Variants in NOTCH2 observed in about 807,000 individuals in gnomAD.
NOTCH2 encodes the protein neurogenic locus notch homolog protein 2.
NOTCH2 carries 29 observed loss-of-function variants against 235.8 expected under a neutral mutation model. The ratio of observed to expected loss-of-function variants is 0.12; its 90% CI spans 0.09 to 0.17. The LOEUF (loss-of-function observed/expected upper bound fraction) is 0.17. NOTCH2 is among the 10% of genes least tolerant of loss of function. NOTCH2 has a pLI of 1.00. For missense variants in NOTCH2, 2,285 were observed against 3,150.2 expected (o/e 0.73, Z 6.57); for synonymous variants, 1,086 against 1,141.5 (o/e 0.95, Z 0.98).
intron 29 of NOTCH2, among the ~76,000 whole-genome samples, chr1:119,920,959 T>C (rs978164975): frequency 6.6e-6 from 1 of 152,180 alleles, no homozygotes; most frequent in South Asian, 2.1e-4. Context: ...GAATACCTAG[T>C]ACATGACAGG....
At chr1:119,978,617 G>T (rs1651689276) in intron 5 of NOTCH2, among the ~76,000 whole-genome samples, 1 of 152,246 alleles carries the variant, frequency 6.6e-6, no homozygotes. Flanking sequence ...TGGGTGGATT[G>T]CCATGGAGGC....
intron 24 of NOTCH2, 90 bp from the exon 25 acceptor site, chr1:119,925,900 A>C: frequency 2.8e-4 from 401 of 1,415,924 alleles, no homozygotes; most frequent in Non-Finnish European, 3.6e-4. Context: ...TCCACATCTC[A>C]CTCCCTTCTG....
intron 1 of NOTCH2, among the ~76,000 whole-genome samples, chr1:120,060,429 T>C (rs1198131075): frequency 6.7e-6 from 1 of 148,452 alleles, no homozygotes. Context: ...TATATATATA[T>C]GTAGATCTGT....
At chr1:119,999,981 AAGGAAGG>A (rs1557840321) in intron 3 of NOTCH2, among the ~76,000 whole-genome samples, 1,202 of 90,748 alleles carry the variant, frequency 0.013, 8 homozygotes, top group African/African-American at 0.062. Context: ...GAAAGAAAGG[AAGGAAGG>A]AAGGAAGGAA....
intron 1 of NOTCH2, 177 bp downstream of exon 1, chr1:120,069,157 G>C (rs1210334237): frequency 6.5e-7 from 1 of 1,527,388 alleles, no homozygotes; most frequent in Non-Finnish European, 8.8e-7. Context: ...GGTTGGCGGG[G>C]CACCACGGGA....
rs1200443476 is a variant in NOTCH2 at position 119,923,625 on chromosome 1, C to T, written c.4859+12G>A. On this transcript the variant is annotated intron_variant, in intron 26 of 33. Coordinates refer to ENST00000256646, the MANE Select transcript of NOTCH2 (RefSeq NM_024408.4). ...TAAAATTAGCCTTGAAGTTCAGAAACCAAACACCTACCCAGCCACCTCCTG... is the reference window on the plus strand; with the variant it reads ...TAAAATTAGCCTTGAAGTTCAGAAATCAAACACCTACCCAGCCACCTCCTG... 39 of 1,612,638 alleles carry T rather than the reference C, an allele frequency of 2.4e-5. No homozygotes were observed. Among genetic ancestry groups the T allele is most frequent in the Non-Finnish European group, 3.2e-5 (38 of 1,179,164 alleles).
chr1:119,941,246 T>C (rs1298176391), intron 18 of NOTCH2, among the ~76,000 whole-genome samples: 1 of 152,214 alleles, frequency 6.6e-6, no homozygotes, highest in Non-Finnish European at 1.5e-5. Context: ...TTGAAATGAA[T>C]GAGAGGCCAA....
At chr1:120,029,631 G>A (rs1165237138) in intron 2 of NOTCH2, among the ~76,000 whole-genome samples, 2 of 151,964 alleles carry the variant, frequency 1.3e-5, no homozygotes, top group Admixed American at 6.6e-5. Context: ...TTACCAGCAT[G>A]AGCCACCATG....
rs587735927 is a variant in NOTCH2, at chr1:119,970,888, T to G, written c.875-1144A>C. Reference sequence around the variant, plus strand: ...ATGTCAAGGTGTCCTTCATTCTTCCTTTGTAAATAAAACTCAACAAATAAT... The same window carrying G: ...ATGTCAAGGTGTCCTTCATTCTTCCGTTGTAAATAAAACTCAACAAATAAT... On this transcript the variant is annotated intron_variant, in intron 5 of 33. Coordinates refer to ENST00000256646, the MANE Select transcript of NOTCH2 (RefSeq NM_024408.4). Among the ~76,000 whole-genome samples the G allele has an allele frequency of 3.3e-5, 5 of 152,336 alleles. No individual in the cohort carries two copies. The East Asian group carries it at 7.7e-4, about 24-fold the overall frequency.
chr1:119,969,384 A>C, intron 6 of NOTCH2, 127 bp downstream of exon 6: 1 of 815,208 alleles, frequency 1.2e-6, no homozygotes, highest in East Asian at 2.7e-5. Context: ...TTTCTGGAAC[A>C]GTCCTGAGTG....
rs1484589178 is a variant in NOTCH2 at position 119,957,805 on chromosome 1, T to C, written c.2026+1587A>G. Among the ~76,000 whole-genome samples the C allele has an allele frequency of 4.3e-5, 6 of 138,074 alleles. No homozygotes were observed. In the East Asian group the frequency reaches 1.3e-3, roughly 30 times the overall value. The allele number at this position is 138,074 out of a possible 152,430, so 90.6% of individuals were successfully genotyped here. On this transcript the variant is annotated intron_variant, in intron 12 of 33. Transcript: ENST00000256646. ...TGATTCATTGGCATTCTGAAAAAAATGAGTCCAGTAGAAGCCTTATATAAA... is the reference window on the plus strand; with the variant it reads ...TGATTCATTGGCATTCTGAAAAAAACGAGTCCAGTAGAAGCCTTATATAAA...
chr1:119,958,690 T>C (rs1322192698), intron 12 of NOTCH2, among the ~76,000 whole-genome samples: 4 of 149,736 alleles, frequency 2.7e-5, no homozygotes, highest in Admixed American at 6.7e-5. Flanking sequence ...ATAAAGGTAA[T>C]ATTGACAAGT....
intron 17 of NOTCH2, among the ~76,000 whole-genome samples, chr1:119,944,857 A>C (rs587642316): frequency 6.6e-6 from 1 of 152,192 alleles, no homozygotes; most frequent in Non-Finnish European, 1.5e-5. Flanking sequence ...GGAGACAAAG[A>C]CTACACAAAA....
At chr1:120,065,877 T>G (rs1553216995) in intron 1 of NOTCH2, among the ~76,000 whole-genome samples, 5 of 152,160 alleles carry the variant, frequency 3.3e-5, no homozygotes. Context: ...AACTATGGAC[T>G]GTGAACACAA....
chr1:119,915,768 T>C lies in NOTCH2; in HGVS notation c.6954A>G (p.Pro2318=). 2 of 1,608,652 alleles carry C rather than the reference T, an allele frequency of 1.2e-6. No homozygotes were observed. Among genetic ancestry groups the C allele is most frequent in the Non-Finnish European group, 1.7e-6 (2 of 1,176,076 alleles). The part of the protein sequence containing the change: ...QLIPKGSIAQ[P]AGAPQPQSTC... ...TGGACTGAGGCTGGGGAGCCCCCGC[T>C]GGTTGGGCAATACTGCCTTTAGGGA... Residue 2318 remains proline (P), a synonymous_variant, in exon 34 of 34, where the codon CCA becomes CCG. Coordinates refer to ENST00000256646, the MANE Select transcript of NOTCH2 (RefSeq NM_024408.4).
At position 119,915,916 on chromosome 1, in the gene NOTCH2, C is replaced by G. The variant is rs1553193512; in HGVS notation, c.6806G>C (p.Gly2269Ala). The G allele has an allele frequency of 6.2e-7, 1 of 1,614,186 alleles. No individual in the cohort carries two copies. The highest frequency in any genetic ancestry group is 8.5e-7 in the Non-Finnish European group (1 of 1,180,040). ...VNETQYNEMF[G>A]MVLAPAEGTH... ...GCCCTCAGCTGGAGCCAGGACCATA[C>G]CAAACATCTCATTGTACTGGGTCTC... is the stretch of plus-strand genomic sequence containing the variant. Residue 2269 changes from glycine (G) to alanine (A), a missense_variant, in exon 34 of 34, where the codon GGT (glycine) becomes GCT (alanine). Around this residue, in one of 6 missense-constraint regions of NOTCH2, gnomAD observed 504 missense variants for 538.0 expected, o/e 0.94. Transcript: ENST00000256646.
chr1:119,928,151 C>T (rs587756283), intron 23 of NOTCH2, among the ~76,000 whole-genome samples: 1 of 152,316 alleles, frequency 6.6e-6, no homozygotes, highest in East Asian at 1.9e-4. Flanking sequence ...ATGCTGCCCT[C>T]TCCAGAAGTA....
intron 7 of NOTCH2, 63 bp from the exon 8 acceptor site, chr1:119,967,684 T>A: frequency 7.1e-7 from 1 of 1,406,402 alleles, no homozygotes; most frequent in Non-Finnish European, 1.0e-6. Context: ...ATGTGAACAA[T>A]AGAAGAGCAT....
At position 119,940,597 on chromosome 1, in the gene NOTCH2, G is replaced by A. The variant is rs929429032; in HGVS notation, c.3141C>T (p.Tyr1047=). ...TGTAGCCCAGGGGGCAGCTGCAGCG[G>A]TAGGTACCCAGGCCATCAACACACG... ...EGTCVDGLGT[Y]RCSCPLGYTG... is the part of the protein sequence containing the mutation. Residue 1047 remains tyrosine (Y), a synonymous_variant, in exon 19 of 34, where the codon TAC becomes TAT. Coordinates refer to ENST00000256646, the MANE Select transcript of NOTCH2 (RefSeq NM_024408.4). 34 of 1,614,006 alleles carry A rather than the reference G, an allele frequency of 2.1e-5. No homozygotes were observed. Among genetic ancestry groups the A allele is most frequent in the Non-Finnish European group, 2.7e-5 (32 of 1,180,016 alleles).
Sources: gnomAD v4.1 joint callset for allele counts (sites outside exome capture counted in the v4.1 genomes callset) on GRCh38, gnomAD v4.1.1 for gene constraint, gnomAD v4.1.1 regional missense constraint, MANE v1.5 for transcripts, NCBI Gene and HGNC (gene_info 2026-07-23, HGNC 2026-07-21) for gene names.